Variants in GINS3 observed in about 807,000 individuals in gnomAD.
GINS3 encodes GINS complex subunit 3.
Under a neutral mutation model 20.0 loss-of-function variants are expected in GINS3, and 18 were observed. That is an observed-to-expected ratio of 0.90 (90% CI 0.62 to 1.33). The LOEUF (loss-of-function observed/expected upper bound fraction) is 1.33, where lower values mean the gene tolerates loss of function less well. Ranked by LOEUF, GINS3 falls within the 40% of genes most tolerant of loss-of-function variation. GINS3 has a pLI of 0.00. For missense variants in GINS3, 254 were observed against 273.6 expected, an observed-to-expected ratio of 0.93 and a Z score of 0.51; for synonymous variants, 109 against 107.0, an observed-to-expected ratio of 1.02 and a Z score of -0.12.
intron 1 of GINS3, among the ~76,000 whole-genome samples, chr16:58,396,907 T>C (rs1399004953): frequency 9.0e-3 from 813 of 90,410 alleles, no homozygotes; most frequent in South Asian, 0.014. Flanking sequence ...CCCCACCTCC[T>C]TCCCGGACGG....
At chr16:58,399,259 C>T (rs763010957) in intron 1 of GINS3, among the ~76,000 whole-genome samples, 1 of 150,946 alleles carries the variant, frequency 6.6e-6, no homozygotes, top group Non-Finnish European at 1.5e-5. Flanking sequence ...TGCACTCCAG[C>T]CTGGGTGACA....
chr16:58,397,555 G>A (rs564335386), intron 1 of GINS3, among the ~76,000 whole-genome samples: 51 of 152,244 alleles, frequency 3.3e-4, no homozygotes, highest in African/African-American at 8.7e-4. Flanking sequence ...CTGCCATCCC[G>A]GCACCTCGGG....
rs2151496088 is a variant in GINS3 at position 58,404,720 on chromosome 16, G to A, written c.642G>A (p.Met214Ile). The stretch of plus-strand genomic sequence containing the variant: ...ACAAGAAGAGAAAATTCACTGATAT[G>A]GAAGACTGAAAGCCGGAAGAACACA... ...QNYKKRKFTD[M>I]ED Residue 214 changes from methionine to isoleucine, a missense_variant, in exon 3 of 3, where the codon ATG becomes ATA. Met to Ile is a conservative substitution (Grantham distance 10). Coordinates refer to ENST00000318129, the MANE Select transcript of GINS3 (RefSeq NM_022770.4). 6.2e-7 allele frequency: 1 copy of A among 1,612,854 alleles called. No homozygotes were observed. Among genetic ancestry groups the A allele is most frequent in the East Asian group, 2.2e-5 (1 of 44,872 alleles).
Position 58,395,076 on chromosome 16 carries a change from A to ATT in GINS3, c.186+2306_186+2307dup, listed in dbSNP as rs56933339. 1,734 of 456,098 alleles carry ATT rather than the reference A, an allele frequency of 3.8e-3. 1 individual carries two copies. Among genetic ancestry groups the ATT allele is most frequent in the South Asian group, 6.9e-3 (214 of 31,214 alleles). The allele number at this position is 456,098 out of a possible 1,614,324, so 28.3% of individuals were successfully genotyped here. On this transcript the variant is annotated intron_variant, in intron 1 of 2. Transcript: ENST00000318129. The stretch of plus-strand genomic sequence containing the variant: ...ACTAAAACTTTGACCATTTTATCTA[A>ATT]TTTTTTTTTTTTTTTTTTGAGACAG...
At chr16:58,396,654 C>T (rs543562961) in intron 1 of GINS3, among the ~76,000 whole-genome samples, 3 of 99,898 alleles carry the variant, frequency 3.0e-5, no homozygotes, top group East Asian at 7.0e-4. Flanking sequence ...GGCGGCTGGC[C>T]GGGCGGTGGG....
intron 1 of GINS3, among the ~76,000 whole-genome samples, chr16:58,401,087 T>G (rs1448919713): frequency 6.6e-6 from 1 of 152,068 alleles, no homozygotes; most frequent in East Asian, 1.9e-4. Context: ...ATTATTGGTG[T>G]GTCTGGAATT....
chr16:58,397,678 G>A (rs913036173), intron 1 of GINS3, among the ~76,000 whole-genome samples: 78 of 152,260 alleles, frequency 5.1e-4, no homozygotes, highest in Admixed American at 2.0e-3. Flanking sequence ...GTGGCGGCGC[G>A]CGCCTGCAAT....
At chr16:58,396,339 C>T (rs1305122895) in intron 1 of GINS3, among the ~76,000 whole-genome samples, 5 of 119,732 alleles carry the variant, frequency 4.2e-5, no homozygotes, top group Non-Finnish European at 8.7e-5. Flanking sequence ...TAGGGGCGGC[C>T]GGGCAGAGGC....
intron 1 of GINS3, among the ~76,000 whole-genome samples, chr16:58,399,138 A>T (rs557628280): frequency 6.6e-6 from 1 of 152,026 alleles, no homozygotes; most frequent in African/African-American, 2.4e-5. Context: ...ACATAGCAAG[A>T]CCCTGTCTCT....
At chr16:58,400,643 T>A (rs1965941925) in intron 1 of GINS3, among the ~76,000 whole-genome samples, 1 of 152,198 alleles carries the variant, frequency 6.6e-6, no homozygotes. Flanking sequence ...TGTGTATCTT[T>A]CCTGCATACT....
At chr16:58,399,067 A>C (rs914036740) in intron 1 of GINS3, among the ~76,000 whole-genome samples, 1 of 151,652 alleles carries the variant, frequency 6.6e-6, no homozygotes, top group East Asian at 1.9e-4. Context: ...TAACCCTAGC[A>C]CTTTGGGAGG....
intron 1 of GINS3, among the ~76,000 whole-genome samples, chr16:58,402,315 C>A (rs1965967526): frequency 6.6e-6 from 1 of 152,186 alleles, no homozygotes; most frequent in Non-Finnish European, 1.5e-5. Flanking sequence ...TTACTTCCCT[C>A]CCTTCTTTCT....
chr16:58,397,562 C>A (rs187702639), intron 1 of GINS3, among the ~76,000 whole-genome samples: 3 of 152,126 alleles, frequency 2.0e-5, no homozygotes, highest in African/African-American at 7.2e-5. Flanking sequence ...CCCGGCACCT[C>A]GGGAGGCTGA....
chr16:58,404,664 CAGATCACAGCT>C lies in GINS3; in HGVS notation c.587_597del (p.Gln196LeufsTer14). On this transcript the variant is annotated frameshift_variant, in exon 3 of 3. Coordinates refer to ENST00000318129, the MANE Select transcript of GINS3 (RefSeq NM_022770.4). LOFTEE classifies it high-confidence loss of function. ...GTGTTGGGAGAAGGGGCAGGCTTCT[CAGATCACAGCT>C]TCCAACCTCGTTCAGAATTACAAGA... 6.2e-7 allele frequency: 1 copy of C among 1,614,122 alleles called. No homozygotes were observed.
intron 1 of GINS3, among the ~76,000 whole-genome samples, chr16:58,396,169 G>T (rs1417315850): frequency 1.5e-5 from 2 of 135,266 alleles, no homozygotes; most frequent in Non-Finnish European, 3.2e-5. Flanking sequence ...GGACGGGGCG[G>T]CTGGCCGGGC....
intron 1 of GINS3, among the ~76,000 whole-genome samples, chr16:58,396,632 CT>C (rs58812713): frequency 0.99 from 45,430 of 45,716 alleles, 22,593 homozygotes; most frequent in Middle Eastern, 1. Context: ...CCCCACCTCC[CT>C]TCCCGGACGG....
chr16:58,396,843 A>G (rs1965877051), intron 1 of GINS3, among the ~76,000 whole-genome samples: 1 of 121,618 alleles, frequency 8.2e-6, no homozygotes, highest in African/African-American at 3.3e-5. Flanking sequence ...GCGGCCGGGC[A>G]GAGGCGCCCC....
chr16:58,395,050 A>G, intron 1 of GINS3: 1 of 533,734 alleles, frequency 1.9e-6, no homozygotes, highest in Non-Finnish European at 3.3e-6. Context: ...TTTGGTTTTT[A>G]ACTAAAACTT....
chr16:58,399,344 G>C (rs1965925098), intron 1 of GINS3, among the ~76,000 whole-genome samples: 1 of 151,316 alleles, frequency 6.6e-6, no homozygotes, highest in African/African-American at 2.4e-5. Context: ...TTATGGATTA[G>C]CCTGTTTATC....
Sources: allele counts gnomAD v4.1 joint callset (sites outside exome capture counted in the v4.1 genomes callset), GRCh38; gene constraint gnomAD v4.1.1; transcripts MANE v1.5; gene names NCBI Gene and HGNC (gene_info 2026-07-23, HGNC 2026-07-21).